The following TCF7L1 variants were observed in gnomAD, a reference collection of about 807,000 sequenced individuals.
TCF7L1 encodes transcription factor 7-like 1.
A neutral mutation model predicts 63.7 loss-of-function variants in TCF7L1; 18 were observed. That is an observed-to-expected ratio of 0.28 (90% CI 0.20 to 0.42). The LOEUF (loss-of-function observed/expected upper bound fraction) is 0.42. TCF7L1 is among the 10% of genes least tolerant of loss of function. TCF7L1 has a pLI of 1.00. For synonymous variants in TCF7L1, 355 were observed against 340.9 expected (o/e 1.04, Z -0.46); for missense variants, 654 against 779.3 (o/e 0.84, Z 1.91).
At chr2:85,199,782 TATAA>T (rs1679232958) in intron 3 of TCF7L1, among the ~76,000 whole-genome samples, 1 of 152,232 alleles carries the variant, frequency 6.6e-6, no homozygotes, top group Admixed American at 6.5e-5. Flanking sequence ...TTTATTGAGA[TATAA>T]ATCACATACC....
In TCF7L1 at chr2:85,309,202, C is replaced by T; in HGVS notation, c.1507C>T (p.Leu503Phe). Residue 503 changes from leucine to phenylalanine, a missense_variant, in exon 12 of 12, where the codon CTC (leucine) becomes TTC (phenylalanine). This residue lies in a region of TCF7L1 where 184 missense variants were observed against 204.0 expected (regional missense o/e 0.90). Coordinates refer to ENST00000282111, the MANE Select transcript of TCF7L1 (RefSeq NM_031283.3). ...AATHSEQAQP[L>F]SLTTKPETRA... ...CACCCATTCGGAGCAAGCCCAGCCC[C>T]TCTCCCTCACCACCAAACCAGAAAC... The T allele has an allele frequency of 6.2e-7, 1 of 1,614,122 alleles. No individual in the cohort carries two copies. The highest frequency in any genetic ancestry group is 8.5e-7 in the Non-Finnish European group (1 of 1,180,032).
chr2:85,286,565 G>A (rs1267609358), intron 4 of TCF7L1, among the ~76,000 whole-genome samples: 3 of 151,828 alleles, frequency 2.0e-5, no homozygotes, highest in Non-Finnish European at 4.4e-5. Flanking sequence ...GCGCGATCTT[G>A]GCTCACCACA....
Position 85,169,994 on chromosome 2 carries a change from C to A in TCF7L1, c.441+35544C>A, listed in dbSNP as rs545552525. ...GAAAAAGAAGAGCCAACAATACTTTCTTGTTACTAAAAGTTGATATCGCAT... is the reference window on the plus strand; with the variant it reads ...GAAAAAGAAGAGCCAACAATACTTTATTGTTACTAAAAGTTGATATCGCAT... On this transcript the variant is annotated intron_variant, in intron 3 of 11. Coordinates refer to ENST00000282111, the MANE Select transcript of TCF7L1 (RefSeq NM_031283.3). Among the ~76,000 whole-genome samples the A allele has an allele frequency of 4.6e-5, 7 of 152,334 alleles. No homozygotes were observed. In the South Asian group the frequency reaches 1.4e-3, roughly 32 times the overall value.
chr2:85,249,704 T>C (rs1680548861), intron 3 of TCF7L1, among the ~76,000 whole-genome samples: 1 of 152,192 alleles, frequency 6.6e-6, no homozygotes, highest in Non-Finnish European at 1.5e-5. Flanking sequence ...TTAGTTCTGG[T>C]GGAACATATC....
At chr2:85,140,786 G>T (rs536756379) in intron 3 of TCF7L1, among the ~76,000 whole-genome samples, 6 of 152,224 alleles carry the variant, frequency 3.9e-5, no homozygotes, top group Non-Finnish European at 7.4e-5. Flanking sequence ...GCTTTAACCT[G>T]GGAGGCAGAG....
At chr2:85,280,846 C>G (rs1430412601) in intron 3 of TCF7L1, among the ~76,000 whole-genome samples, 2 of 152,048 alleles carry the variant, frequency 1.3e-5, no homozygotes, top group Non-Finnish European at 2.9e-5. Context: ...GAAAACACAT[C>G]CGAGCAAAGA....
chr2:85,306,499 C>T lies in TCF7L1; in HGVS notation c.1197C>T (p.Ala399=), dbSNP rs764946051. The T allele has an allele frequency of 1.2e-6, 2 of 1,614,054 alleles. No homozygotes were observed. The highest frequency in any genetic ancestry group is 1.7e-6 in the Non-Finnish European group (2 of 1,180,038). The change falls in exon 10 of 12, where the codon GCC becomes GCT. Residue 399 remains alanine, a synonymous_variant. Transcript: ENST00000282111. The surrounding 1 kb of genome is among the most constrained non-coding windows in gnomAD (Gnocchi z 4.3). The stretch of plus-strand genomic sequence containing the variant: ...AACAGGCCAAGTACTACGAGCTGGC[C>T]CGGAAGGAGCGGCAGCTTCACTCGC... ...REEQAKYYEL[A]RKERQLHSQL... is the part of the protein sequence containing the mutation.
chr2:85,185,057 C>T (rs1461599623), intron 3 of TCF7L1, among the ~76,000 whole-genome samples: 1 of 152,172 alleles, frequency 6.6e-6, no homozygotes, highest in Non-Finnish European at 1.5e-5. Flanking sequence ...TGTTCTCTTC[C>T]ACCATTCAAG....
chr2:85,210,869 A>G (rs1253609957), intron 3 of TCF7L1, among the ~76,000 whole-genome samples: 6 of 152,158 alleles, frequency 3.9e-5, no homozygotes, highest in Non-Finnish European at 8.8e-5. Context: ...AGGGAGGGAA[A>G]ATGAAGTGTG....
chr2:85,147,223 G>A (rs536657226), intron 3 of TCF7L1, among the ~76,000 whole-genome samples: 58 of 152,158 alleles, frequency 3.8e-4, no homozygotes, highest in Admixed American at 6.5e-4. Flanking sequence ...TGCCTAGGCC[G>A]TGTCCTCCAC....
intron 3 of TCF7L1, among the ~76,000 whole-genome samples, chr2:85,164,099 T>C (rs1349890617): frequency 6.6e-6 from 1 of 152,166 alleles, no homozygotes; most frequent in African/African-American, 2.4e-5. Flanking sequence ...CTGCAGCCTT[T>C]AACGGGTAGC....
At chr2:85,162,747 G>A (rs1421627020) in intron 3 of TCF7L1, among the ~76,000 whole-genome samples, 1 of 152,146 alleles carries the variant, frequency 6.6e-6, no homozygotes, top group Non-Finnish European at 1.5e-5. Flanking sequence ...CTGTCAGTTT[G>A]TTTCTGGAAT....
rs546764426 is a variant in TCF7L1 at position 85,134,237 on chromosome 2, G to A, written c.314-86G>A. 2.7e-6 allele frequency: 4 copies of A among 1,479,588 alleles called. No homozygotes were observed. The South Asian group carries it at 4.1e-5, about 15-fold the overall frequency. 91.7% of individuals were successfully genotyped at this position (1,479,588 alleles called of 1,614,324 possible). ...TGGGGCGCGCGTGGGGGGCGCTGGGGTCCCCAGCTCCCGCCTCGAGCCCCC... is the reference window on the plus strand; with the variant it reads ...TGGGGCGCGCGTGGGGGGCGCTGGGATCCCCAGCTCCCGCCTCGAGCCCCC... On this transcript the variant is annotated intron_variant, in intron 2 of 11. Transcript: ENST00000282111. The surrounding 1 kb of genome is among the most constrained non-coding windows in gnomAD (Gnocchi z 5.0).
intron 4 of TCF7L1, among the ~76,000 whole-genome samples, chr2:85,294,891 G>A (rs929887323): frequency 2.0e-5 from 3 of 151,832 alleles, no homozygotes; most frequent in African/African-American, 7.3e-5. Flanking sequence ...AAAATTAGCC[G>A]GGCATGGTGG....
rs1677533122 is a variant in TCF7L1, at chr2:85,134,184, C to T, written c.313+105C>T. The T allele has an allele frequency of 2.6e-6, 4 of 1,513,626 alleles. No individual in the cohort carries two copies. Among genetic ancestry groups the T allele is most frequent in the African/African-American group, 2.8e-5 (2 of 71,134 alleles). The allele number at this position is 1,513,626 out of a possible 1,614,324, so 93.8% of individuals were successfully genotyped here. A position where few individuals can be genotyped will look rare whatever the true frequency, so the allele number is the denominator to read the frequency against. On this transcript the variant is annotated intron_variant, in intron 2 of 11. Coordinates refer to ENST00000282111, the MANE Select transcript of TCF7L1 (RefSeq NM_031283.3). The surrounding 1 kb of genome is among the most constrained non-coding windows in gnomAD (Gnocchi z 5.0). The stretch of plus-strand genomic sequence containing the variant: ...CTTGCTTGGGTGGACGCACCCTTGC[C>T]CTCCGCCTTTATTGGCGGCAGCCCC...
At chr2:85,195,891 ATTT>A (rs1304214559) in intron 3 of TCF7L1, among the ~76,000 whole-genome samples, 1 of 152,096 alleles carries the variant, frequency 6.6e-6, no homozygotes, top group Non-Finnish European at 1.5e-5. Flanking sequence ...TACTCTGAAT[ATTT>A]TTATCAGTAG....
chr2:85,154,179 T>A (rs1160254048), intron 3 of TCF7L1, among the ~76,000 whole-genome samples: 1 of 152,224 alleles, frequency 6.6e-6, no homozygotes, highest in Non-Finnish European at 1.5e-5. Flanking sequence ...TGAGCAGTTG[T>A]AGAGGCCATA....
At chr2:85,245,833 TAAA>T (rs58364125) in intron 3 of TCF7L1, among the ~76,000 whole-genome samples, 37 of 131,360 alleles carry the variant, frequency 2.8e-4, no homozygotes, top group East Asian at 4.5e-4. Context: ...ATTAATTAAT[TAAA>T]AAAAAAAAAA....
intron 3 of TCF7L1, among the ~76,000 whole-genome samples, chr2:85,282,855 TGTTTG>T (rs1031556320): frequency 1.5e-5 from 2 of 136,052 alleles, no homozygotes; most frequent in Non-Finnish European, 3.2e-5. Flanking sequence ...GGGGAAGTAC[TGTTTG>T]GTTTGGGTTT....
Sources: gnomAD v4.1 joint callset for allele counts (sites outside exome capture counted in the v4.1 genomes callset) on GRCh38, gnomAD v4.1.1 for gene constraint, gnomAD v4.1.1 regional missense constraint, Gnocchi (gnomAD v3.1) non-coding constraint, MANE v1.5 for transcripts, NCBI Gene and HGNC (gene_info 2026-07-23, HGNC 2026-07-21) for gene names.